The following NAV2 variants were observed in gnomAD, a reference collection of about 807,000 sequenced individuals.
The protein encoded by NAV2 is neuron navigator 2.
In NAV2, 54 loss-of-function variants were observed where a neutral mutation model predicts 223.2. The ratio of observed to expected loss-of-function variants is 0.24; its 90% CI spans 0.19 to 0.30. The LOEUF is 0.30. Ranked by LOEUF, NAV2 falls within the 10% of genes least tolerant of loss-of-function variation. The pLI is 1.00. For missense variants in NAV2, 2,806 were observed against 3,147.5 expected, an observed-to-expected ratio of 0.89 and a Z score of 2.60; for synonymous variants, 1,279 against 1,239.3, an observed-to-expected ratio of 1.03 and a Z score of -0.67.
chr11:20,018,414 C>T lies in NAV2; in HGVS notation c.2769-17545C>T, dbSNP rs145403266. 4.0e-3 allele frequency among the ~76,000 whole-genome samples: 600 copies of T among 150,338 alleles called. 1 individual carries two copies. The highest frequency in any genetic ancestry group is 0.014 in the African/African-American group (575 of 40,852). The stretch of plus-strand genomic sequence containing the variant: ...GTATTACAAAACTCAGAAGCAGCTG[C>T]GCTTAACCTGGGCTTTATGGACAGG... On this transcript the variant is annotated intron_variant, in intron 11 of 37. Transcript: ENST00000349880.
intron 6 of NAV2, among the ~76,000 whole-genome samples, chr11:19,902,908 C>T (rs2042569873): frequency 6.6e-6 from 1 of 152,154 alleles, no homozygotes; most frequent in Non-Finnish European, 1.5e-5. Flanking sequence ...ATATGTAGCC[C>T]ATGTTCACAA....
chr11:19,583,365 T>C (rs1416702888), intron 1 of NAV2, among the ~76,000 whole-genome samples: 2 of 152,206 alleles, frequency 1.3e-5, no homozygotes, highest in Non-Finnish European at 2.9e-5. Flanking sequence ...TGAATACCCT[T>C]TATTTCCTTC....
At chr11:19,450,689 C>T (rs1390916896) in intron 1 of NAV2, among the ~76,000 whole-genome samples, 1 of 152,138 alleles carries the variant, frequency 6.6e-6, no homozygotes, top group Non-Finnish European at 1.5e-5. Flanking sequence ...ACAAGATTTC[C>T]CTGCATAACC....
intron 1 of NAV2, among the ~76,000 whole-genome samples, chr11:19,702,198 A>T (rs1416641305): frequency 6.6e-6 from 1 of 152,160 alleles, no homozygotes; most frequent in Non-Finnish European, 1.5e-5. Flanking sequence ...ATTCTGTGGG[A>T]TCCGCTTCCC....
At chr11:19,949,119 A>G (rs775463215) in intron 10 of NAV2, 39 bp downstream of exon 10, 2 of 1,536,654 alleles carry the variant, frequency 1.3e-6, no homozygotes, top group Non-Finnish European at 1.7e-6. Flanking sequence ...AGAGAGAAAG[A>G]GGGCTTGGCA....
intron 1 of NAV2, among the ~76,000 whole-genome samples, chr11:19,583,413 T>C (rs539062362): frequency 6.6e-6 from 1 of 152,290 alleles, no homozygotes; most frequent in African/African-American, 2.4e-5. Flanking sequence ...TCCAACACTA[T>C]GTTGAATAGG....
chr11:19,530,068 G>T (rs563217254), intron 1 of NAV2, among the ~76,000 whole-genome samples: 2 of 152,324 alleles, frequency 1.3e-5, no homozygotes, highest in African/African-American at 4.8e-5. Context: ...CAGCTGGAGG[G>T]TCAGAAGTCC....
chr11:19,827,046 C>T (rs540443233), intron 1 of NAV2, among the ~76,000 whole-genome samples: 1 of 152,160 alleles, frequency 6.6e-6, no homozygotes, highest in African/African-American at 2.4e-5. Context: ...TTAAGAGGGA[C>T]TTGATGGGGG....
At chr11:20,014,684 C>T (rs2053854503) in intron 11 of NAV2, among the ~76,000 whole-genome samples, 1 of 152,130 alleles carries the variant, frequency 6.6e-6, no homozygotes, top group Non-Finnish European at 1.5e-5. Flanking sequence ...GGTGGATCAC[C>T]TGAGGTCAGG....
At chr11:19,861,127 G>GAGAGGA (rs150586030) in intron 3 of NAV2, among the ~76,000 whole-genome samples, 1 of 150,648 alleles carries the variant, frequency 6.6e-6, no homozygotes, top group Non-Finnish European at 1.5e-5. Context: ...GAGGGAGAGG[G>GAGAGGA]CCAGAGTCAT....
intron 11 of NAV2, among the ~76,000 whole-genome samples, chr11:20,034,359 TTTG>T (rs1281650838): frequency 1.8e-4 from 13 of 72,726 alleles, no homozygotes; most frequent in Non-Finnish European, 1.6e-4. Context: ...AAGTTTTTTT[TTTG>T]TTTTTTTTTT....
intron 1 of NAV2, among the ~76,000 whole-genome samples, chr11:19,598,436 G>A (rs2046267835): frequency 6.6e-6 from 1 of 152,160 alleles, no homozygotes; most frequent in African/African-American, 2.4e-5. Context: ...ATGCTGCTTT[G>A]TCTTTTTAAC....
chr11:19,618,096 C>G (rs564619461), intron 1 of NAV2, among the ~76,000 whole-genome samples: 1 of 152,216 alleles, frequency 6.6e-6, no homozygotes, highest in Non-Finnish European at 1.5e-5. Context: ...TCATTCCTCC[C>G]TAGACTATAA....
chr11:20,098,503 G>A (rs748012973), intron 31 of NAV2, among the ~76,000 whole-genome samples: 12 of 152,150 alleles, frequency 7.9e-5, no homozygotes, highest in Non-Finnish European at 1.3e-4. Context: ...TACTGTACTA[G>A]GCTCATTCTT....
At position 19,914,577 on chromosome 11, in the gene NAV2, G is replaced by A. The variant is rs187272228; in HGVS notation, c.932-18599G>A. Among the ~76,000 whole-genome samples the A allele has an allele frequency of 1.4e-3, 206 of 147,312 alleles. 1 individual carries two copies. The highest frequency in any genetic ancestry group is 5.5e-4 in the Admixed American group (8 of 14,518). ...TTTTGAGACGGAGTCTCGCTCTGTCGCCCAGGCCGGACTGCGGACTGCAGT... is the reference window on the plus strand; with the variant it reads ...TTTTGAGACGGAGTCTCGCTCTGTCACCCAGGCCGGACTGCGGACTGCAGT... On this transcript the variant is annotated intron_variant, in intron 6 of 37. Transcript: ENST00000349880.
At chr11:19,960,342 T>A (rs1683168991) in intron 10 of NAV2, among the ~76,000 whole-genome samples, 4 of 152,162 alleles carry the variant, frequency 2.6e-5, no homozygotes. Flanking sequence ...CCCTTCTGTG[T>A]GCTAGGCATC....
chr11:19,894,041 G>C (rs562349014), intron 6 of NAV2, among the ~76,000 whole-genome samples: 1 of 152,068 alleles, frequency 6.6e-6, no homozygotes, highest in Non-Finnish European at 1.5e-5. Context: ...ATATGTATTT[G>C]TGTGTGTATA....
chr11:19,541,708 C>G (rs2044348945), intron 1 of NAV2, among the ~76,000 whole-genome samples: 1 of 152,166 alleles, frequency 6.6e-6, no homozygotes, highest in African/African-American at 2.4e-5. Flanking sequence ...ATGCCACATG[C>G]CAAAATGACA....
intron 1 of NAV2, among the ~76,000 whole-genome samples, chr11:19,721,161 AAT>A (rs2050718723): frequency 6.6e-6 from 1 of 152,222 alleles, no homozygotes; most frequent in Admixed American, 6.5e-5. Flanking sequence ...ACTTTGAAAA[AAT>A]ATCTGAAAAA....
Sources: allele counts gnomAD v4.1 joint callset (sites outside exome capture counted in the v4.1 genomes callset), GRCh38; gene constraint gnomAD v4.1.1; transcripts MANE v1.5; gene names NCBI Gene and HGNC (gene_info 2026-07-23, HGNC 2026-07-21).